The following MRE11 variants were observed in gnomAD, a reference collection of about 807,000 sequenced individuals.
MRE11 encodes the protein double-strand break repair protein MRE11.
MRE11 carries 62 observed loss-of-function variants against 91.7 expected under a neutral mutation model. The ratio of observed to expected loss-of-function variants is 0.68; its 90% CI spans 0.55 to 0.84. The LOEUF is 0.84. MRE11 is among the 40% of genes least tolerant of loss of function. The probability of loss-of-function intolerance (pLI) is 0.00; values close to 1 mark genes in which losing one functional copy is unlikely to be tolerated. For missense variants in MRE11, 796 were observed against 852.9 expected (o/e 0.93, Z 0.83); for synonymous variants, 273 against 271.4 (o/e 1.01, Z -0.06).
chr11:94,443,945 C>T (rs569479154), intron 16 of MRE11, among the ~76,000 whole-genome samples: 15 of 136,158 alleles, frequency 1.1e-4, no homozygotes, highest in African/African-American at 3.6e-4. Flanking sequence ...TTTTTGGAGA[C>T]GCTCCGTCAC....
chr11:94,429,819 A>C, intron 19 of MRE11, 92 bp downstream of exon 19: 1 of 1,087,860 alleles, frequency 9.2e-7, no homozygotes, highest in Non-Finnish European at 1.3e-6. Flanking sequence ...TTATTTATCA[A>C]AGAAAAAAAA....
At chr11:94,474,662 T>A (rs975296482) in intron 7 of MRE11, among the ~76,000 whole-genome samples, 3 of 152,112 alleles carry the variant, frequency 2.0e-5, no homozygotes, top group African/African-American at 7.2e-5. Flanking sequence ...CCAAAAATAT[T>A]TATTAATTGA....
intron 19 of MRE11, among the ~76,000 whole-genome samples, chr11:94,428,262 G>C (rs1337093618): frequency 2.6e-5 from 4 of 152,122 alleles, no homozygotes; most frequent in African/African-American, 9.7e-5. Context: ...TCTGATCTTT[G>C]ACAATGCTGA....
intron 13 of MRE11, among the ~76,000 whole-genome samples, chr11:94,457,887 T>TCTCTCACACACA (rs372404360): frequency 0.023 from 3,381 of 144,240 alleles, 42 homozygotes; most frequent in Middle Eastern, 0.032. Context: ...TCTCTCTCTC[T>TCTCTCACACACA]CACACACACA....
the MRE11 span, among the ~76,000 whole-genome samples, chr11:94,505,524 T>C: frequency 1.2e-4 from 19 of 152,264 alleles, no homozygotes; most frequent in Admixed American, 6.5e-4. Flanking sequence ...TGCATAGCTG[T>C]ACAAGGTGTT....
chr11:94,469,755 T>C (rs1245753400), intron 9 of MRE11, among the ~76,000 whole-genome samples: 1 of 152,170 alleles, frequency 6.6e-6, no homozygotes, highest in African/African-American at 2.4e-5. Flanking sequence ...TCACATACAG[T>C]AAATCAGTAA....
chr11:94,427,649 T>TGC (rs1337316410), intron 19 of MRE11, among the ~76,000 whole-genome samples: 10 of 151,856 alleles, frequency 6.6e-5, no homozygotes, highest in Non-Finnish European at 7.4e-5. Flanking sequence ...CTAAAGACCC[T>TGC]GCCAAAAGGC....
At chr11:94,428,492 G>A (rs1156471417) in intron 19 of MRE11, among the ~76,000 whole-genome samples, 1 of 152,030 alleles carries the variant, frequency 6.6e-6, no homozygotes, top group Non-Finnish European at 1.5e-5. Flanking sequence ...ATAATTTTTG[G>A]CTAAGTCCCC....
At chr11:94,493,236 T>C (rs1947339704) in intron 1 of MRE11, among the ~76,000 whole-genome samples, 2 of 152,182 alleles carry the variant, frequency 1.3e-5, no homozygotes, top group Non-Finnish European at 2.9e-5. Flanking sequence ...CAACTCTAGA[T>C]GTGCAGATAT....
upstream of MRE11, among the ~76,000 whole-genome samples, chr11:94,496,286 T>C (rs950916847): frequency 6.6e-6 from 1 of 152,202 alleles, no homozygotes; most frequent in Non-Finnish European, 1.5e-5. Flanking sequence ...CTTCATTGTA[T>C]TAGTTATACT....
chr11:94,470,716 T>C, intron 8 of MRE11, 74 bp from the exon 9 acceptor site: 1 of 1,449,224 alleles, frequency 6.9e-7, no homozygotes, highest in South Asian at 1.2e-5. Flanking sequence ...AAAGCTTTCA[T>C]ATTTCTTAGT....
intron 19 of MRE11, among the ~76,000 whole-genome samples, chr11:94,422,463 T>G (rs568918528): frequency 1.3e-5 from 2 of 152,196 alleles, no homozygotes; most frequent in East Asian, 3.9e-4. Context: ...TAATAAATAT[T>G]CATTAAAGTA....
intron 14 of MRE11, among the ~76,000 whole-genome samples, chr11:94,452,339 T>C (rs1396898214): frequency 6.6e-6 from 1 of 151,904 alleles, no homozygotes; most frequent in Non-Finnish European, 1.5e-5. Flanking sequence ...AAAAAAGTAG[T>C]ATGAACTGAA....
In MRE11 at chr11:94,463,770, G is replaced by A. The variant is rs190587354; in HGVS notation, c.1225+343C>T. On this transcript the variant is annotated intron_variant, in intron 11 of 19. Transcript: ENST00000323929. ...CACAGGGCAGGGAACATCACACACC[G>A]GGGCCTGTCATGGGGTTGGGGGAGG... 6.2e-4 allele frequency among the ~76,000 whole-genome samples: 93 copies of A among 150,780 alleles called. No homozygotes were observed. The East Asian group carries it at 0.014, about 23-fold the overall frequency.
At position 94,447,665 on chromosome 11, in the gene MRE11, CA is replaced by C. The variant is rs56850566; in HGVS notation, c.1564-228del. On this transcript the variant is annotated intron_variant, in intron 14 of 19. Transcript: ENST00000323929. ...GCAACACAGCGAAACCCCGTCTCTA[CA>C]AAAAAAAAAAAAAAAAAAAAAAATT... Among the ~76,000 whole-genome samples the C allele has an allele frequency of 0.014, 705 of 48,988 alleles. 8 individuals are homozygous for C. Among genetic ancestry groups the C allele is most frequent in the African/African-American group, 0.045 (618 of 13,884 alleles). 32.1% of individuals were successfully genotyped at this position (48,988 alleles called of 152,430 possible).
chr11:94,455,248 G>A, intron 14 of MRE11, among the ~76,000 whole-genome samples: 1 of 152,120 alleles, frequency 6.6e-6, no homozygotes, highest in East Asian at 1.9e-4. Flanking sequence ...AGTCTGGTCT[G>A]TCTCCTCATT....
At chr11:94,452,533 C>A (rs1334319792) in intron 14 of MRE11, among the ~76,000 whole-genome samples, 1 of 152,054 alleles carries the variant, frequency 6.6e-6, no homozygotes, top group Non-Finnish European at 1.5e-5. Flanking sequence ...AATAAATATG[C>A]CCTATTATGA....
intron 14 of MRE11, among the ~76,000 whole-genome samples, chr11:94,454,213 A>G (rs1946190430): frequency 6.6e-6 from 1 of 151,694 alleles, no homozygotes; most frequent in African/African-American, 2.4e-5. Flanking sequence ...AGCTGGGACT[A>G]CAGGTGGGAG....
intron 13 of MRE11, 47 bp from the exon 14 acceptor site, chr11:94,456,385 A>G: frequency 6.9e-7 from 1 of 1,453,474 alleles, no homozygotes; most frequent in Non-Finnish European, 9.7e-7. Flanking sequence ...TATTCCAGTT[A>G]TGTAAATATA....
Sources: allele counts gnomAD v4.1 joint callset (sites outside exome capture counted in the v4.1 genomes callset), GRCh38; gene constraint gnomAD v4.1.1; transcripts MANE v1.5; gene names NCBI Gene and HGNC (gene_info 2026-07-23, HGNC 2026-07-21).